DCC: variants seen among roughly 807,000 people sequenced by gnomAD.
DCC encodes the protein DCC netrin 1 receptor.
Under a neutral mutation model 172.5 loss-of-function variants are expected in DCC, and 58 were observed. The observed-to-expected ratio is 0.34, with a 90% CI of 0.27 to 0.42. The LOEUF (loss-of-function observed/expected upper bound fraction) is 0.42. Ranked by LOEUF, DCC falls within the 10% of genes least tolerant of loss-of-function variation. The probability of loss-of-function intolerance (pLI) is 1.00; values close to 1 mark genes in which losing one functional copy is unlikely to be tolerated. For synonymous variants in DCC, 709 were observed against 644.5 expected (o/e 1.10, Z -1.52); for missense variants, 1,740 against 1,791.0 (o/e 0.97, Z 0.51).
intron 5 of DCC, among the ~76,000 whole-genome samples, chr18:53,056,099 C>A (rs1463825727): frequency 6.6e-6 from 1 of 152,098 alleles, no homozygotes; most frequent in Non-Finnish European, 1.5e-5. Flanking sequence ...AAGGTACTAC[C>A]TGAGACTGAG....
At chr18:52,881,303 G>T (rs116024904) in intron 2 of DCC, among the ~76,000 whole-genome samples, 2,297 of 151,942 alleles carry the variant, frequency 0.015, 41 homozygotes, top group African/African-American at 0.039. Flanking sequence ...CAATCTGTGG[G>T]TTTCCTTTTC....
chr18:52,368,495 T>C (rs1451973337), intron 1 of DCC, among the ~76,000 whole-genome samples: 1 of 152,146 alleles, frequency 6.6e-6, no homozygotes, highest in Non-Finnish European at 1.5e-5. Flanking sequence ...TCCCTATGCG[T>C]CATTCTGCAG....
intron 26 of DCC, among the ~76,000 whole-genome samples, chr18:53,496,894 C>G (rs2046030730): frequency 6.6e-6 from 1 of 150,726 alleles, no homozygotes; most frequent in Non-Finnish European, 1.5e-5. Flanking sequence ...GATTTTATTT[C>G]AAAAATGCAG....
chr18:53,323,436 T>C (rs2057433475), intron 14 of DCC, among the ~76,000 whole-genome samples: 1 of 152,250 alleles, frequency 6.6e-6, no homozygotes, highest in South Asian at 2.1e-4. Context: ...AAAGAATGTT[T>C]ATAGAAGTCT....
chr18:52,569,410 A>G (rs1362206925), intron 1 of DCC, among the ~76,000 whole-genome samples: 6 of 152,224 alleles, frequency 3.9e-5, no homozygotes, highest in Non-Finnish European at 7.3e-5. Flanking sequence ...GACCGGGCAC[A>G]TCTAAAGTGC....
chr18:52,620,886 T>A (rs1054859667), intron 1 of DCC, among the ~76,000 whole-genome samples: 2 of 152,256 alleles, frequency 1.3e-5, no homozygotes, highest in Non-Finnish European at 2.9e-5. Flanking sequence ...TCTGTGTATA[T>A]GCTGAACGCT....
At chr18:53,413,435 G>A (rs1480415741) in intron 20 of DCC, among the ~76,000 whole-genome samples, 1 of 152,164 alleles carries the variant, frequency 6.6e-6, no homozygotes, top group Non-Finnish European at 1.5e-5. Context: ...ACAAATGTAA[G>A]CCATTTTTGT....
At chr18:52,530,374 C>A (rs1263783921) in intron 1 of DCC, among the ~76,000 whole-genome samples, 2 of 152,172 alleles carry the variant, frequency 1.3e-5, no homozygotes, top group Non-Finnish European at 2.9e-5. Flanking sequence ...AAAACATGAG[C>A]TTTTGAGTGG....
chr18:52,823,570 C>G (rs185282059), intron 2 of DCC, among the ~76,000 whole-genome samples: 1 of 152,026 alleles, frequency 6.6e-6, no homozygotes, highest in Non-Finnish European at 1.5e-5. Context: ...TGCTATTTTA[C>G]TTACTAAGGT....
intron 5 of DCC, among the ~76,000 whole-genome samples, chr18:52,932,603 A>G (rs1004201449): frequency 6.6e-6 from 1 of 152,114 alleles, no homozygotes; most frequent in African/African-American, 2.4e-5. Context: ...TTCCCTTTAA[A>G]GCAGTTGTGT....
chr18:53,514,553 A>G (rs1195673392), intron 27 of DCC, among the ~76,000 whole-genome samples: 1 of 152,204 alleles, frequency 6.6e-6, no homozygotes, highest in Non-Finnish European at 1.5e-5. Flanking sequence ...GACCACTAGC[A>G]TGACTAATAA....
Position 52,578,937 on chromosome 18 carries a change from C to T in DCC, c.92-173117C>T, listed in dbSNP as rs190765183. Among the ~76,000 whole-genome samples the T allele has an allele frequency of 1.7e-3, 265 of 152,200 alleles. 1 individual carries two copies. The highest frequency in any genetic ancestry group is 5.5e-3 in the African/African-American group (230 of 41,530). The stretch of plus-strand genomic sequence containing the variant: ...TGGAGGTTGCAGTGAGCCGAGATCA[C>T]GCCACTGCACTCCAGCCCAGCAACA... On this transcript the variant is annotated intron_variant, in intron 1 of 28. Coordinates refer to ENST00000442544, the MANE Select transcript of DCC (RefSeq NM_005215.4).
intron 7 of DCC, among the ~76,000 whole-genome samples, chr18:53,093,787 C>T (rs1292072760): frequency 2.6e-5 from 4 of 152,086 alleles, no homozygotes; most frequent in South Asian, 2.1e-4. Context: ...GCCTGAGCAG[C>T]GCAGACACTA....
intron 2 of DCC, among the ~76,000 whole-genome samples, chr18:52,828,181 TC>T (rs1230423957): frequency 1.3e-5 from 2 of 152,152 alleles, no homozygotes; most frequent in Admixed American, 6.5e-5. Context: ...GGGATGCAAC[TC>T]CAAGATTGTT....
At position 53,190,688 on chromosome 18, in the gene DCC, T is replaced by C. The variant is rs539731540; in HGVS notation, c.1573+11572T>C. ...TCAGCAGGGCGTAGTGGTTCACGCC[T>C]GTAATCCCAGCACTTTGGGAGGCTG... is the stretch of plus-strand genomic sequence containing the variant. On this transcript the variant is annotated intron_variant, in intron 9 of 28. Coordinates refer to ENST00000442544, the MANE Select transcript of DCC (RefSeq NM_005215.4). Among the ~76,000 whole-genome samples the C allele has an allele frequency of 2.6e-5, 4 of 152,350 alleles. No individual in the cohort carries two copies. The East Asian group carries it at 7.7e-4, about 29-fold the overall frequency.
At chr18:53,369,056 T>C (rs2058033603) in intron 15 of DCC, among the ~76,000 whole-genome samples, 1 of 152,040 alleles carries the variant, frequency 6.6e-6, no homozygotes, top group Non-Finnish European at 1.5e-5. Context: ...GTTATAGTTC[T>C]TCTAGTACGT....
chr18:52,738,320 T>C (rs557536598), intron 1 of DCC, among the ~76,000 whole-genome samples: 11 of 152,302 alleles, frequency 7.2e-5, no homozygotes, highest in African/African-American at 2.6e-4. Flanking sequence ...AAACTTTACA[T>C]GGTAGAGCTG....
At chr18:53,449,597 T>G (rs1007224669) in intron 22 of DCC, among the ~76,000 whole-genome samples, 4 of 152,116 alleles carry the variant, frequency 2.6e-5, no homozygotes, top group African/African-American at 9.7e-5. Context: ...TATCAAGCAG[T>G]TTGTCTTTTA....
intron 1 of DCC, among the ~76,000 whole-genome samples, chr18:52,555,115 TGCTA>T (rs1198267988): frequency 6.6e-6 from 1 of 152,080 alleles, no homozygotes; most frequent in Non-Finnish European, 1.5e-5. Flanking sequence ...TAGAGTGTTG[TGCTA>T]GCTGGCTTTT....
Sources: allele counts gnomAD v4.1 joint callset (sites outside exome capture counted in the v4.1 genomes callset), GRCh38; gene constraint gnomAD v4.1.1; transcripts MANE v1.5; gene names NCBI Gene and HGNC (gene_info 2026-07-23, HGNC 2026-07-21).